Variants in STK32A observed in about 807,000 individuals in gnomAD.
STK32A encodes the protein serine/threonine kinase 32A.
In STK32A, 41 loss-of-function variants were observed where a neutral mutation model predicts 53.2. That is an observed-to-expected ratio of 0.77 (90% confidence interval 0.60 to 1.00). The LOEUF (loss-of-function observed/expected upper bound fraction) is 1.00. Among genes scored for constraint, STK32A ranks in the 50% least tolerant of loss-of-function variants. The pLI is 0.00. For missense variants in STK32A, 458 were observed against 485.8 expected (o/e 0.94, Z 0.54); for synonymous variants, 166 against 162.8 (o/e 1.02, Z -0.15).
chr5:147,355,600 C>G (rs62379566), intron 7 of STK32A, among the ~76,000 whole-genome samples: 27,997 of 151,918 alleles, frequency 0.18, 2,944 homozygotes, highest in African/African-American at 0.29. Flanking sequence ...ATGGCGCGAA[C>G]CCGGGAGGCG....
rs147252519 is a variant in STK32A, at chr5:147,310,672, T to C, written c.261-13226T>C. Among the ~76,000 whole-genome samples, 1,054 of 152,334 alleles carry C rather than the reference T, an allele frequency of 6.9e-3. 9 individuals carry two copies. Among genetic ancestry groups the C allele is most frequent in the Admixed American group, 0.014 (214 of 15,298 alleles). ...AAAAAGTATTAACTTCTAACATTTATTTTTCTTTCCTGGATGCTTGATGAA... is the reference window on the plus strand; with the variant it reads ...AAAAAGTATTAACTTCTAACATTTACTTTTCTTTCCTGGATGCTTGATGAA... On this transcript the variant is annotated intron_variant, in intron 4 of 12. Transcript: ENST00000397936.
chr5:147,383,547 C>T, intron 12 of STK32A, 42 bp downstream of exon 12: 1 of 1,440,444 alleles, frequency 6.9e-7, no homozygotes, highest in Non-Finnish European at 9.5e-7. Context: ...GAAATGGTGG[C>T]ATGTTTCAGC....
At chr5:147,326,794 A>G (rs1367192336) in intron 5 of STK32A, among the ~76,000 whole-genome samples, 1 of 152,214 alleles carries the variant, frequency 6.6e-6, no homozygotes, top group Non-Finnish European at 1.5e-5. Context: ...ATTAATATTA[A>G]TAGCACTGGG....
intron 2 of STK32A, among the ~76,000 whole-genome samples, chr5:147,255,781 T>C (rs1754206806): frequency 6.6e-6 from 1 of 152,222 alleles, no homozygotes; most frequent in South Asian, 2.1e-4. Flanking sequence ...TAAATCACTG[T>C]TGGTTGTAGT....
intron 8 of STK32A, among the ~76,000 whole-genome samples, chr5:147,363,024 T>C (rs1311305367): frequency 1.3e-5 from 2 of 151,850 alleles, no homozygotes; most frequent in African/African-American, 2.4e-5. Flanking sequence ...AGGTAGAGGC[T>C]GTAGTGAGCC....
At chr5:147,309,535 G>T (rs1380412385) in intron 4 of STK32A, among the ~76,000 whole-genome samples, 3 of 152,118 alleles carry the variant, frequency 2.0e-5, no homozygotes, top group Non-Finnish European at 4.4e-5. Context: ...AAAGCATATT[G>T]AGTTTAAGCA....
intron 4 of STK32A, among the ~76,000 whole-genome samples, chr5:147,294,387 G>A (rs369973500): frequency 6.6e-5 from 10 of 150,754 alleles, no homozygotes; most frequent in Admixed American, 5.3e-4. Flanking sequence ...TCAGCCTCCC[G>A]AGTAGCTGAA....
intron 2 of STK32A, among the ~76,000 whole-genome samples, chr5:147,263,922 G>A (rs2400289): frequency 0.28 from 42,845 of 151,950 alleles, 6,287 homozygotes; most frequent in Admixed American, 0.35. Flanking sequence ...ACAAGTATAT[G>A]AGACTAGAAG....
intron 4 of STK32A, among the ~76,000 whole-genome samples, chr5:147,291,447 G>T (rs1445972671): frequency 6.6e-6 from 1 of 151,844 alleles, no homozygotes; most frequent in Non-Finnish European, 1.5e-5. Context: ...TGTTGCTTGT[G>T]GGATCATCTC....
At chr5:147,392,235 A>C (rs1274720451), downstream of STK32A, 1 of 152,226 alleles carries the variant, frequency 6.6e-6, no homozygotes, top group Non-Finnish European at 1.5e-5. Context: ...AAAGAAAAGC[A>C]CTACAAGAGC....
At chr5:147,360,450 C>CAAAAAAAAAAAAAAAAAAAAAAAAAAAA (rs56690647) in intron 7 of STK32A, among the ~76,000 whole-genome samples, 2 of 81,192 alleles carry the variant, frequency 2.5e-5, no homozygotes, top group Admixed American at 1.4e-4. Flanking sequence ...GATTCTGTCT[C>CAAAAAAAAAAAAAAAAAAAAAAAAAAAA]AAAAAAAAAA....
At chr5:147,352,411 T>C (rs188284168) in intron 7 of STK32A, among the ~76,000 whole-genome samples, 1 of 152,314 alleles carries the variant, frequency 6.6e-6, no homozygotes, top group East Asian at 1.9e-4. Context: ...ATAGTTGTGG[T>C]AACAAATCAA....
intron 4 of STK32A, among the ~76,000 whole-genome samples, chr5:147,322,494 A>G (rs1302244190): frequency 1.3e-5 from 2 of 152,216 alleles, no homozygotes; most frequent in Non-Finnish European, 2.9e-5. Context: ...AAGAAAATGT[A>G]CTAAGTGCAT....
intron 2 of STK32A, among the ~76,000 whole-genome samples, chr5:147,255,101 T>C (rs1371670130): frequency 6.6e-6 from 1 of 152,056 alleles, no homozygotes; most frequent in Non-Finnish European, 1.5e-5. Context: ...GATCCTGCCA[T>C]TGCATGCCAG....
At chr5:147,332,010 T>C (rs1278037644) in intron 5 of STK32A, among the ~76,000 whole-genome samples, 2 of 152,184 alleles carry the variant, frequency 1.3e-5, no homozygotes, top group Non-Finnish European at 2.9e-5. Context: ...CCACTGTTTG[T>C]GGTACTTTGT....
the STK32A span, chr5:147,400,568 T>C: frequency 1.5e-6 from 2 of 1,317,368 alleles, no homozygotes; most frequent in Non-Finnish European, 2.1e-6. Context: ...TCCAGAGACA[T>C]CTCAGCAAGT....
At chr5:147,241,772 T>C (rs1212063581) in intron 2 of STK32A, among the ~76,000 whole-genome samples, 1 of 152,192 alleles carries the variant, frequency 6.6e-6, no homozygotes, top group African/African-American at 2.4e-5. Context: ...AGGCTTGCTT[T>C]TCATTTAGTT....
the STK32A span, chr5:147,395,859 GAGA>G: frequency 1.9e-6 from 2 of 1,068,820 alleles, no homozygotes; most frequent in Admixed American, 2.7e-5. Context: ...TTGAGGAAGG[GAGA>G]AGTAGTATAA....
At chr5:147,348,911 A>G (rs773280557) in intron 6 of STK32A, 13 of 561,284 alleles carry the variant, frequency 2.3e-5, no homozygotes, top group Non-Finnish European at 4.2e-5. Flanking sequence ...TATCTTTCCA[A>G]CTTTACAGAG....
Sources: gnomAD v4.1 joint callset for allele counts (sites outside exome capture counted in the v4.1 genomes callset) on GRCh38, gnomAD v4.1.1 for gene constraint, MANE v1.5 for transcripts, NCBI Gene and HGNC (gene_info 2026-07-23, HGNC 2026-07-21) for gene names.